LRRTM4: variants seen among roughly 807,000 people sequenced by gnomAD.
LRRTM4 encodes the protein leucine rich repeat transmembrane neuronal 4, also known as leucine-rich repeat transmembrane neuronal protein 4.
A neutral mutation model predicts 47.6 loss-of-function variants in LRRTM4; 25 were observed. The ratio of observed to expected loss-of-function variants is 0.53; its 90% CI spans 0.38 to 0.73. The LOEUF is 0.73. LRRTM4 is among the 30% of genes least tolerant of loss of function. The pLI, the probability that LRRTM4 is intolerant of heterozygous loss-of-function variation, is 0.00. For missense variants in LRRTM4, 638 were observed against 713.4 expected, an observed-to-expected ratio of 0.89 and a Z score of 1.20; for synonymous variants, 311 against 269.5, an observed-to-expected ratio of 1.15 and a Z score of -1.51.
chr2:77,087,348 C>G (rs578092192), intron 3 of LRRTM4, among the ~76,000 whole-genome samples: 4 of 152,218 alleles, frequency 2.6e-5, no homozygotes, highest in Non-Finnish European at 5.9e-5. Flanking sequence ...AACAAAAAAT[C>G]TCACCCATAA....
At chr2:77,134,915 A>G (rs1373060703) in intron 3 of LRRTM4, among the ~76,000 whole-genome samples, 1 of 152,216 alleles carries the variant, frequency 6.6e-6, no homozygotes. Context: ...ATCTGCAGAC[A>G]AAATCAGCTA....
chr2:77,065,369 T>G (rs1679918933), intron 3 of LRRTM4, among the ~76,000 whole-genome samples: 1 of 152,184 alleles, frequency 6.6e-6, no homozygotes, highest in South Asian at 2.1e-4. Context: ...TAATGGCAAT[T>G]AATTATGAAA....
In LRRTM4 at chr2:77,494,343, GCT is replaced by G. The variant is rs1239952936; in HGVS notation, c.1551+23973_1551+23974del. ...TGACCTTCAGGCAATCCACTCCCTA[GCT>G]CTCTGTTACCAACTCATTGTGATGT... is the stretch of plus-strand genomic sequence containing the variant. On this transcript the variant is annotated intron_variant, in intron 3 of 3. Transcript: ENST00000409884. 2.6e-5 allele frequency among the ~76,000 whole-genome samples: 4 copies of G among 152,012 alleles called. No individual in the cohort carries two copies. The East Asian group carries it at 7.7e-4, about 29-fold the overall frequency.
chr2:77,004,871 C>A lies in LRRTM4; in HGVS notation c.1552-255955G>T, dbSNP rs79302094. Reference sequence around the variant, plus strand: ...GAAACATGGAGTCAAAGATTATTTCCAAGTTTTAAGATTTGACTGCCCCGC... The same window carrying A: ...GAAACATGGAGTCAAAGATTATTTCAAAGTTTTAAGATTTGACTGCCCCGC... On this transcript the variant is annotated intron_variant, in intron 3 of 3. Transcript: ENST00000409884. Among the ~76,000 whole-genome samples, 711 of 152,146 alleles carry A rather than the reference C, an allele frequency of 4.7e-3. 23 individuals are homozygous for A. In the South Asian group the frequency reaches 0.07, roughly 15 times the overall value.
At position 76,995,395 on chromosome 2, in the gene LRRTM4, A is replaced by G. The variant is rs560602329; in HGVS notation, c.1552-246479T>C. Among the ~76,000 whole-genome samples, 13 of 152,152 alleles carry G rather than the reference A, an allele frequency of 8.5e-5. No individual in the cohort carries two copies. In the South Asian group the frequency reaches 1.7e-3, roughly 19 times the overall value. On this transcript the variant is annotated intron_variant, in intron 3 of 3. Transcript: ENST00000409884. Reference sequence around the variant, plus strand: ...TGGAATTCCTCTCCACCTTGGTTCTAAATACCTAGCATGATAGTTGCAGTA... The same window carrying G: ...TGGAATTCCTCTCCACCTTGGTTCTGAATACCTAGCATGATAGTTGCAGTA...
At chr2:76,812,903 A>C (rs1186789811) in intron 3 of LRRTM4, among the ~76,000 whole-genome samples, 2 of 151,206 alleles carry the variant, frequency 1.3e-5, no homozygotes, top group Non-Finnish European at 2.9e-5. Context: ...GAATTTATAC[A>C]TTGAAATAGG....
chr2:77,426,079 C>T (rs996666012), intron 3 of LRRTM4, among the ~76,000 whole-genome samples: 2 of 150,088 alleles, frequency 1.3e-5, no homozygotes, highest in South Asian at 2.1e-4. Context: ...TGCGCCACTG[C>T]ACCACTCCAG....
At chr2:77,212,013 G>A (rs1190998188) in intron 3 of LRRTM4, among the ~76,000 whole-genome samples, 1 of 151,944 alleles carries the variant, frequency 6.6e-6, no homozygotes, top group Non-Finnish European at 1.5e-5. Flanking sequence ...AATGGCACCT[G>A]AGCATGTTAT....
chr2:77,272,386 G>A (rs533620172), intron 3 of LRRTM4, among the ~76,000 whole-genome samples: 47 of 152,194 alleles, frequency 3.1e-4, no homozygotes, highest in African/African-American at 1.1e-3. Context: ...CATTTTTGAA[G>A]GTGTGGGATG....
intron 3 of LRRTM4, among the ~76,000 whole-genome samples, chr2:77,341,662 C>T (rs1671378100): frequency 6.6e-6 from 1 of 151,996 alleles, no homozygotes; most frequent in Non-Finnish European, 1.5e-5. Flanking sequence ...AATTAATGCC[C>T]TTGCAATTTA....
At chr2:77,449,374 G>A (rs13387496) in intron 3 of LRRTM4, among the ~76,000 whole-genome samples, 6,303 of 152,224 alleles carry the variant, frequency 0.041, 139 homozygotes, top group Non-Finnish European at 0.058. Flanking sequence ...ATAATAAAAT[G>A]ATACGAGAAT....
chr2:76,979,715 T>TAGATAGAC (rs1395770986), intron 3 of LRRTM4, among the ~76,000 whole-genome samples: 3 of 151,760 alleles, frequency 2.0e-5, no homozygotes, highest in African/African-American at 7.3e-5. Context: ...GATAGATAGA[T>TAGATAGAC]AGATAGATAG....
intron 3 of LRRTM4, among the ~76,000 whole-genome samples, chr2:77,227,877 G>T (rs938066987): frequency 4.0e-5 from 6 of 151,834 alleles, no homozygotes; most frequent in African/African-American, 1.5e-4. Flanking sequence ...TTTTTCTTAT[G>T]CATATGTCTA....
intron 3 of LRRTM4, among the ~76,000 whole-genome samples, chr2:76,875,098 G>C: frequency 6.6e-6 from 1 of 151,758 alleles, no homozygotes; most frequent in South Asian, 2.1e-4. Context: ...GAAAATGAAA[G>C]CTTCTGCATG....
At chr2:77,515,972 G>T (rs2104115988) in intron 3 of LRRTM4, among the ~76,000 whole-genome samples, 1 of 151,904 alleles carries the variant, frequency 6.6e-6, no homozygotes, top group South Asian at 2.1e-4. Context: ...TGCAATGTTT[G>T]TTTTTGTATG....
At chr2:77,065,094 T>C (rs1236737295) in intron 3 of LRRTM4, among the ~76,000 whole-genome samples, 5 of 152,162 alleles carry the variant, frequency 3.3e-5, no homozygotes, top group Non-Finnish European at 7.4e-5. Flanking sequence ...AAAACAACCA[T>C]GTATCAAGTA....
intron 3 of LRRTM4, among the ~76,000 whole-genome samples, chr2:77,283,614 T>C (rs936429307): frequency 3.3e-5 from 5 of 152,050 alleles, no homozygotes; most frequent in Non-Finnish European, 5.9e-5. Context: ...ATATGGTTCA[T>C]ATACACCATG....
At chr2:77,453,724 T>C (rs1283635732) in intron 3 of LRRTM4, among the ~76,000 whole-genome samples, 1 of 152,234 alleles carries the variant, frequency 6.6e-6, no homozygotes, top group Admixed American at 6.5e-5. Flanking sequence ...ATGATATTTC[T>C]GTGGTATTTC....
At chr2:76,897,385 T>C (rs1673458550) in intron 3 of LRRTM4, among the ~76,000 whole-genome samples, 1 of 152,100 alleles carries the variant, frequency 6.6e-6, no homozygotes, top group Non-Finnish European at 1.5e-5. Context: ...GCTATTTTTA[T>C]TACCAACTCT....
Sources: allele counts gnomAD v4.1 joint callset (sites outside exome capture counted in the v4.1 genomes callset), GRCh38; gene constraint gnomAD v4.1.1; transcripts MANE v1.5; gene names NCBI Gene and HGNC (gene_info 2026-07-23, HGNC 2026-07-21).